The following IPCEF1 variants were observed in gnomAD, a reference collection of about 807,000 sequenced individuals.
IPCEF1 encodes the protein interaction protein for cytohesin exchange factors 1, also known as interactor protein for cytohesin exchange factors 1.
A neutral mutation model predicts 50.9 loss-of-function variants in IPCEF1; 31 were observed. That is an observed-to-expected ratio of 0.61 (90% CI 0.46 to 0.82). The LOEUF is 0.82. Ranked by LOEUF, IPCEF1 falls within the 40% of genes least tolerant of loss-of-function variation. The pLI, the probability that IPCEF1 is intolerant of heterozygous loss-of-function variation, is 0.00. For synonymous variants in IPCEF1, 181 were observed against 192.0 expected (o/e 0.94, Z 0.47); for missense variants, 458 against 514.0 (o/e 0.89, Z 1.05).
chr6:154,283,616 A>T (rs1782284367), intron 2 of IPCEF1, among the ~76,000 whole-genome samples: 1 of 152,202 alleles, frequency 6.6e-6, no homozygotes, highest in African/African-American at 2.4e-5. Context: ...TTAAAATTAA[A>T]TAAATTTTTA....
In IPCEF1 at chr6:154,293,889, T is replaced by C. The variant is rs75365987; in HGVS notation, c.-61-4133A>G. Among the ~76,000 whole-genome samples the C allele has an allele frequency of 2.0e-3, 310 of 152,338 alleles. 11 individuals are homozygous for C. The East Asian group carries it at 0.054, about 27-fold the overall frequency. On this transcript the variant is annotated intron_variant, in intron 1 of 11. Transcript: ENST00000367220. ...GGAGCAGCAAGAAATGTTTCAACTG[T>C]GAAGTCTTTAATAGAACATGTATCA...
chr6:154,233,122 C>T (rs1476033689), intron 5 of IPCEF1, among the ~76,000 whole-genome samples: 1 of 152,056 alleles, frequency 6.6e-6, no homozygotes, highest in Non-Finnish European at 1.5e-5. Flanking sequence ...GCATGTGCCG[C>T]CACGCCCAGC....
At chr6:154,224,930 T>C (rs1475339011) in intron 5 of IPCEF1, among the ~76,000 whole-genome samples, 5 of 152,136 alleles carry the variant, frequency 3.3e-5, no homozygotes, top group Admixed American at 6.5e-5. Flanking sequence ...ACAGACTAAG[T>C]CAACTTTCTG....
intron 10 of IPCEF1, among the ~76,000 whole-genome samples, chr6:154,181,810 TG>T (rs1188731129): frequency 3.3e-5 from 5 of 152,280 alleles, no homozygotes; most frequent in Admixed American, 6.5e-5. Context: ...ATTACCTTCT[TG>T]GGGACTTGAA....
At chr6:154,292,536 C>G (rs934606996) in intron 1 of IPCEF1, among the ~76,000 whole-genome samples, 1 of 152,038 alleles carries the variant, frequency 6.6e-6, no homozygotes, top group African/African-American at 2.4e-5. Context: ...AGCTCAGTGG[C>G]CAAAATTTAA....
rs767625227 is a variant in IPCEF1 at position 154,221,237 on chromosome 6, T to C, written c.392+20A>G. On this transcript the variant is annotated intron_variant, in intron 7 of 11. Coordinates refer to ENST00000367220, the MANE Select transcript of IPCEF1 (RefSeq NM_001130700.2). ...GTATATTCCCATTAAGGATGGGGTT[T>C]ACCAGTTTCCTCTACTTACACGTTC... 14 of 1,602,414 alleles carry C rather than the reference T, an allele frequency of 8.7e-6. No homozygotes were observed. The highest frequency in any genetic ancestry group is 1.2e-5 in the Non-Finnish European group (14 of 1,169,578).
At position 154,178,619 on chromosome 6, in the gene IPCEF1, T is replaced by C. The variant is rs559520866; in HGVS notation, c.911-10506A>G. ...CTTTAAAATTAACAAACAGATAAAG[T>C]GAACCTGTTGGGGTAACCAGACATG... On this transcript the variant is annotated intron_variant, in intron 10 of 11. Transcript: ENST00000367220. Among the ~76,000 whole-genome samples the C allele has an allele frequency of 4.6e-5, 7 of 152,252 alleles. No individual in the cohort carries two copies. In the South Asian group the frequency reaches 6.2e-4, roughly 14 times the overall value.
intron 11 of IPCEF1, among the ~76,000 whole-genome samples, chr6:154,160,771 T>C (rs904402637): frequency 2.6e-5 from 4 of 152,204 alleles, no homozygotes; most frequent in African/African-American, 9.6e-5. Flanking sequence ...GCCCTGACAA[T>C]TGTATCTCAA....
rs562171607 is a variant in IPCEF1, at chr6:154,326,652, T to C, written c.-62+30020A>G. 1.4e-3 allele frequency among the ~76,000 whole-genome samples: 208 copies of C among 152,332 alleles called. 1 individual carries two copies. Among genetic ancestry groups the C allele is most frequent in the Non-Finnish European group, 5.9e-4 (40 of 68,032 alleles). On this transcript the variant is annotated intron_variant, in intron 1 of 11. Coordinates refer to ENST00000367220, the MANE Select transcript of IPCEF1 (RefSeq NM_001130700.2). ...TGGCCATATTGCTCAAAGTAACTTA[T>C]GGATTCAATGCTATTCTCATTAAAC...
intron 1 of IPCEF1, among the ~76,000 whole-genome samples, chr6:154,296,691 T>TGA (rs1782668645): frequency 1.3e-5 from 2 of 151,846 alleles, no homozygotes; most frequent in Non-Finnish European, 2.9e-5. Context: ...TAGCCAGGCA[T>TGA]GGTGGCGGGC....
At chr6:154,226,788 C>T (rs1779287771) in intron 5 of IPCEF1, among the ~76,000 whole-genome samples, 2 of 152,118 alleles carry the variant, frequency 1.3e-5, no homozygotes, top group Admixed American at 6.5e-5. Flanking sequence ...AGTCTAAATG[C>T]CTCAGCAGAG....
At chr6:154,283,674 G>C (rs989256207) in intron 2 of IPCEF1, among the ~76,000 whole-genome samples, 4 of 152,156 alleles carry the variant, frequency 2.6e-5, no homozygotes, top group Non-Finnish European at 5.9e-5. Flanking sequence ...GAATTTCAAA[G>C]TATACAGAGA....
At chr6:154,313,584 T>C (rs1415403825) in intron 1 of IPCEF1, among the ~76,000 whole-genome samples, 1 of 152,194 alleles carries the variant, frequency 6.6e-6, no homozygotes, top group Non-Finnish European at 1.5e-5. Flanking sequence ...TTAAGCCTAA[T>C]CTCTTCAACT....
At chr6:154,338,153 C>T (rs1309109146) in intron 1 of IPCEF1, among the ~76,000 whole-genome samples, 1 of 152,220 alleles carries the variant, frequency 6.6e-6, no homozygotes, top group Non-Finnish European at 1.5e-5. Flanking sequence ...TGATCTTCTG[C>T]TCCTTCATGC....
intron 3 of IPCEF1, among the ~76,000 whole-genome samples, chr6:154,256,058 G>T (rs1020711101): frequency 2.0e-4 from 31 of 152,032 alleles, no homozygotes; most frequent in African/African-American, 6.8e-4. Flanking sequence ...TCTGGGATTT[G>T]TCTTAGTCAG....
At chr6:154,307,776 T>C (rs188126458) in intron 1 of IPCEF1, among the ~76,000 whole-genome samples, 2 of 152,376 alleles carry the variant, frequency 1.3e-5, no homozygotes, top group Non-Finnish European at 2.9e-5. Flanking sequence ...TTGCTAACTA[T>C]ACCCTACTCT....
rs115117999 is a variant in IPCEF1 at position 154,338,572 on chromosome 6, C to T, written c.-62+18100G>A. On this transcript the variant is annotated intron_variant, in intron 1 of 11. Transcript: ENST00000367220. ...GATGCTTCTAACTAAGGGTGAATTG[C>T]GATTGCCAAACTATCTGACCCATCT... 3.9e-3 allele frequency among the ~76,000 whole-genome samples: 601 copies of T among 152,210 alleles called. 3 individuals are homozygous for T. The highest frequency in any genetic ancestry group is 0.017 in the Middle Eastern group (5 of 294).
intron 1 of IPCEF1, among the ~76,000 whole-genome samples, chr6:154,347,382 G>A (rs1195725669): frequency 2.0e-5 from 3 of 152,180 alleles, no homozygotes; most frequent in Non-Finnish European, 4.4e-5. Flanking sequence ...GAAGTTCCCT[G>A]AACCTGTGTT....
chr6:154,258,572 C>CTT (rs1781517264), intron 3 of IPCEF1, among the ~76,000 whole-genome samples: 1 of 152,172 alleles, frequency 6.6e-6, no homozygotes, highest in Non-Finnish European at 1.5e-5. Flanking sequence ...CAGGTTTGCC[C>CTT]TTTCCCCTCT....
Sources: allele counts gnomAD v4.1 joint callset (sites outside exome capture counted in the v4.1 genomes callset), GRCh38; gene constraint gnomAD v4.1.1; transcripts MANE v1.5; gene names NCBI Gene and HGNC (gene_info 2026-07-23, HGNC 2026-07-21).